Variants in ASRGL1 observed in about 807,000 individuals in gnomAD.
The protein encoded by ASRGL1 is isoaspartyl peptidase/L-asparaginase.
ASRGL1 carries 16 observed loss-of-function variants against 22.4 expected under a neutral mutation model. The observed-to-expected ratio is 0.71, with a 90% CI of 0.48 to 1.08. ASRGL1 has a LOEUF of 1.08. Ranked by LOEUF, ASRGL1 falls within the 50% of genes least tolerant of loss-of-function variation. The probability of loss-of-function intolerance (pLI) is 0.00; values close to 1 mark genes in which losing one functional copy is unlikely to be tolerated. For missense variants in ASRGL1, 412 were observed against 410.1 expected, an observed-to-expected ratio of 1.00 and a Z score of -0.04; for synonymous variants, 165 against 159.3, an observed-to-expected ratio of 1.04 and a Z score of -0.27.
At chr11:62,357,352 C>T (rs1305460562) in intron 4 of ASRGL1, among the ~76,000 whole-genome samples, 2 of 150,786 alleles carry the variant, frequency 1.3e-5, no homozygotes, top group Non-Finnish European at 2.9e-5. Flanking sequence ...CAGGCTCAAG[C>T]GGTTCTCCTG....
At chr11:62,363,714 A>C (rs919081110) in intron 4 of ASRGL1, among the ~76,000 whole-genome samples, 1 of 152,230 alleles carries the variant, frequency 6.6e-6, no homozygotes, top group African/African-American at 2.4e-5. Flanking sequence ...TACTGCTTTG[A>C]GAATTTTGTT....
chr11:62,356,276 C>T lies in ASRGL1; in HGVS notation c.191-49C>T, dbSNP rs140263689. Reference sequence around the variant, plus strand: ...CTGACCCCCCCACCTCCCTCCCGGACGGGGCGTAAATTCTTAATTCTTGCT... The same window carrying T: ...CTGACCCCCCCACCTCCCTCCCGGATGGGGCGTAAATTCTTAATTCTTGCT... On this transcript the variant is annotated intron_variant, in intron 2 of 6. Coordinates refer to ENST00000415229, the MANE Select transcript of ASRGL1 (RefSeq NM_001083926.2). 8.0e-4 allele frequency: 1,273 copies of T among 1,600,910 alleles called. 4 individuals carry two copies. Among genetic ancestry groups the T allele is most frequent in the Middle Eastern group, 6.9e-3 (41 of 5,974 alleles).
At chr11:62,378,256 GCTATTGC>G (rs1179963099) in intron 4 of ASRGL1, among the ~76,000 whole-genome samples, 1 of 152,128 alleles carries the variant, frequency 6.6e-6, no homozygotes, top group Non-Finnish European at 1.5e-5. Flanking sequence ...CTTATCAGAT[GCTATTGC>G]CAGTCCAGCA....
At chr11:62,359,273 C>T (rs1383099695) in intron 4 of ASRGL1, among the ~76,000 whole-genome samples, 3 of 152,088 alleles carry the variant, frequency 2.0e-5, no homozygotes, top group Non-Finnish European at 4.4e-5. Context: ...ATGGTGAGCC[C>T]TGTCTCTACT....
At chr11:62,378,930 T>A (rs1362667277) in intron 4 of ASRGL1, among the ~76,000 whole-genome samples, 2 of 152,162 alleles carry the variant, frequency 1.3e-5, no homozygotes, top group Non-Finnish European at 2.9e-5. Context: ...TCTCTCAGTC[T>A]CAAGTGGAAC....
the ASRGL1 span, among the ~76,000 whole-genome samples, chr11:62,399,491 C>T: frequency 1.3e-5 from 2 of 152,218 alleles, no homozygotes; most frequent in Non-Finnish European, 2.9e-5. Flanking sequence ...ACAGTGGCCT[C>T]CCTGGCAAGG....
At chr11:62,359,514 AATGC>A (rs1283168206) in intron 4 of ASRGL1, among the ~76,000 whole-genome samples, 46 of 152,306 alleles carry the variant, frequency 3.0e-4, no homozygotes, top group Non-Finnish European at 6.0e-4. Context: ...TTCAACATGT[AATGC>A]ATATAAGAAA....
chr11:62,396,915 G>A (rs1248928011), downstream of ASRGL1, among the ~76,000 whole-genome samples: 1 of 152,192 alleles, frequency 6.6e-6, no homozygotes, highest in African/African-American at 2.4e-5. Context: ...AAGAGGTTGA[G>A]TCTTCCTGTC....
At chr11:62,388,825 T>C (rs1375072626) in intron 4 of ASRGL1, among the ~76,000 whole-genome samples, 3 of 152,042 alleles carry the variant, frequency 2.0e-5, no homozygotes, top group Non-Finnish European at 4.4e-5. Context: ...TGAGAAGCAC[T>C]CTTACTTTTA....
At chr11:62,382,338 T>A (rs928942375) in intron 4 of ASRGL1, 1 of 152,060 alleles carries the variant, frequency 6.6e-6, no homozygotes, top group East Asian at 1.9e-4. Context: ...GAGGGGGATG[T>A]GGCAGGACAA....
At chr11:62,376,452 C>G (rs1014234413) in intron 4 of ASRGL1, among the ~76,000 whole-genome samples, 1 of 152,162 alleles carries the variant, frequency 6.6e-6, no homozygotes, top group African/African-American at 2.4e-5. Flanking sequence ...CTTTCCCCCA[C>G]GTTACCACCT....
chr11:62,344,309 C>T (rs1445299173), intron 2 of ASRGL1, among the ~76,000 whole-genome samples: 1 of 152,052 alleles, frequency 6.6e-6, no homozygotes, highest in Non-Finnish European at 1.5e-5. Context: ...TAGCTTTTAT[C>T]AGATGTGTCA....
rs1946300600 is a variant in ASRGL1 at position 62,356,484 on chromosome 11, C to T, written c.333+17C>T. On this transcript the variant is annotated intron_variant, in intron 3 of 6. Transcript: ENST00000415229. ...ATGGAAAAGGTATATGTGACTAAAGCAGCCTTTTCCTAATGAATTGTTATT... is the reference window on the plus strand; with the variant it reads ...ATGGAAAAGGTATATGTGACTAAAGTAGCCTTTTCCTAATGAATTGTTATT... 6.2e-7 allele frequency: 1 copy of T among 1,612,908 alleles called. No homozygotes were observed. The highest frequency in any genetic ancestry group is 8.5e-7 in the Non-Finnish European group (1 of 1,179,086).
In ASRGL1 at chr11:62,362,609, T is replaced by C. The variant is rs1946484308; in HGVS notation, c.491+5465T>C. Among the ~76,000 whole-genome samples, 2 of 31,862 alleles carry C rather than the reference T, an allele frequency of 6.3e-5. 1 individual carries two copies. Among genetic ancestry groups the C allele is most frequent in the East Asian group, 1.2e-3 (2 of 1,626 alleles). The allele number at this position is 31,862 out of a possible 152,430, so 20.9% of individuals were successfully genotyped here. A position where few individuals can be genotyped will look rare whatever the true frequency, so the allele number is the denominator to read the frequency against. Reference sequence around the variant, plus strand: ...AATATATAATATATATTATATAAAATATATATTATATATTATATAAAATAT... The same window carrying C: ...AATATATAATATATATTATATAAAACATATATTATATATTATATAAAATAT... On this transcript the variant is annotated intron_variant, in intron 4 of 6. Coordinates refer to ENST00000415229, the MANE Select transcript of ASRGL1 (RefSeq NM_001083926.2).
chr11:62,376,041 G>T (rs1946919451), intron 4 of ASRGL1, among the ~76,000 whole-genome samples: 1 of 142,514 alleles, frequency 7.0e-6, no homozygotes, highest in South Asian at 2.2e-4. Context: ...AGTGGAGGTT[G>T]CCATGAGCTG....
Position 62,392,453 on chromosome 11 carries a change from C to A in ASRGL1, c.*169C>A. The stretch of plus-strand genomic sequence containing the variant: ...TTTGGTTGTGGGGCGGGTTCTGAAG[C>A]GATGAGAGAAATGCCCGTATTAGGA... On this transcript the variant is annotated 3_prime_UTR_variant, in exon 7 of 7. Transcript: ENST00000415229. 1 of 805,762 alleles carries A rather than the reference C, an allele frequency of 1.2e-6. No homozygotes were observed. The highest frequency in any genetic ancestry group is 2.7e-5 in the East Asian group (1 of 37,230). The allele number at this position is 805,762 out of a possible 1,614,324, so 49.9% of individuals were successfully genotyped here. A position where few individuals can be genotyped will look rare whatever the true frequency, so the allele number is the denominator to read the frequency against.
the ASRGL1 span, among the ~76,000 whole-genome samples, chr11:62,398,799 C>G: frequency 6.6e-6 from 1 of 152,356 alleles, no homozygotes; most frequent in East Asian, 1.9e-4. Flanking sequence ...GGCTTTGGCA[C>G]AAATATCACA....
chr11:62,380,250 G>C (rs898680815), intron 4 of ASRGL1, among the ~76,000 whole-genome samples: 2 of 152,110 alleles, frequency 1.3e-5, no homozygotes, highest in Non-Finnish European at 2.9e-5. Context: ...TTGACACTCA[G>C]GATTGGCGTT....
intron 4 of ASRGL1, among the ~76,000 whole-genome samples, chr11:62,367,516 T>C (rs1037700699): frequency 6.6e-5 from 10 of 151,498 alleles, no homozygotes; most frequent in African/African-American, 2.4e-4. Flanking sequence ...TGGTGGCGCA[T>C]GCCTGTAATT....
Sources: allele counts gnomAD v4.1 joint callset (sites outside exome capture counted in the v4.1 genomes callset), GRCh38; gene constraint gnomAD v4.1.1; transcripts MANE v1.5; gene names NCBI Gene and HGNC (gene_info 2026-07-23, HGNC 2026-07-21).